AKAP6: variants seen among roughly 807,000 people sequenced by gnomAD.
AKAP6 encodes A-kinase anchoring protein 6, also known as A-kinase anchor protein 6.
AKAP6 carries 58 observed loss-of-function variants against 188.5 expected under a neutral mutation model. The ratio of observed to expected loss-of-function variants is 0.31; its 90% confidence interval spans 0.25 to 0.38. The LOEUF (loss-of-function observed/expected upper bound fraction) is 0.38. Among genes scored for constraint, AKAP6 ranks in the 10% least tolerant of loss-of-function variants. AKAP6 has a pLI of 1.00. For missense variants in AKAP6, 2,710 were observed against 2,740.0 expected (o/e 0.99, Z 0.24); for synonymous variants, 989 against 998.6 (o/e 0.99, Z 0.18).
rs1006635134 is a variant in AKAP6, at chr14:32,624,574, A to G, written c.2730+23782A>G. Among the ~76,000 whole-genome samples the G allele has an allele frequency of 2.6e-5, 4 of 152,294 alleles. No individual in the cohort carries two copies. The South Asian group carries it at 8.3e-4, about 32-fold the overall frequency. On this transcript the variant is annotated intron_variant, in intron 7 of 13. Transcript: ENST00000280979. ...TTCAGATTTCCTATGTAAAAGAGTC[A>G]GAGCATTTTATATATTACAGAGGAG...
intron 13 of AKAP6, 45 bp from the exon 14 acceptor site, chr14:32,829,803 A>G (rs1222055423): frequency 1.5e-6 from 1 of 678,870 alleles, no homozygotes; most frequent in African/African-American, 1.8e-5. Context: ...CTAATGAAAA[A>G]TACATTTCTG....
chr14:32,713,213 A>G (rs1373998790), intron 9 of AKAP6, among the ~76,000 whole-genome samples: 2 of 152,042 alleles, frequency 1.3e-5, no homozygotes, highest in Non-Finnish European at 2.9e-5. Context: ...GGCTTAAAAT[A>G]TATAGTAAAC....
At chr14:32,652,201 C>T (rs947313599) in intron 7 of AKAP6, among the ~76,000 whole-genome samples, 5 of 151,988 alleles carry the variant, frequency 3.3e-5, no homozygotes, top group Non-Finnish European at 4.4e-5. Context: ...CCATCTTTTC[C>T]GTCATTTTAT....
At chr14:32,562,712 T>C (rs557998949) in intron 4 of AKAP6, among the ~76,000 whole-genome samples, 2 of 152,200 alleles carry the variant, frequency 1.3e-5, no homozygotes, top group East Asian at 1.9e-4. Flanking sequence ...GAGCCGAGAT[T>C]GCACCACTGC....
At chr14:32,778,106 C>T (rs531066294) in intron 12 of AKAP6, among the ~76,000 whole-genome samples, 1 of 152,196 alleles carries the variant, frequency 6.6e-6, no homozygotes, top group African/African-American at 2.4e-5. Context: ...AAATATCATT[C>T]AAAAATGAAG....
At chr14:32,712,167 G>A (rs945352563) in intron 9 of AKAP6, among the ~76,000 whole-genome samples, 3 of 152,022 alleles carry the variant, frequency 2.0e-5, no homozygotes, top group Admixed American at 1.3e-4. Context: ...TTTTGGTTTC[G>A]CAGTGCATAT....
At chr14:32,710,720 A>G (rs8013524) in intron 9 of AKAP6, among the ~76,000 whole-genome samples, 39,188 of 152,004 alleles carry the variant, frequency 0.26, 5,263 homozygotes, top group African/African-American at 0.35. Flanking sequence ...CGTAGGAAGT[A>G]GGGATAATAA....
At chr14:32,346,666 G>C in intron 1 of AKAP6, among the ~76,000 whole-genome samples, 1 of 152,150 alleles carries the variant, frequency 6.6e-6, no homozygotes, top group South Asian at 2.1e-4. Context: ...CCGCCACCGC[G>C]CCTGGCTAAT....
At chr14:32,613,081 C>A (rs1005499895) in intron 7 of AKAP6, among the ~76,000 whole-genome samples, 2 of 152,192 alleles carry the variant, frequency 1.3e-5, no homozygotes, top group African/African-American at 4.8e-5. Flanking sequence ...GTAGTTTATA[C>A]ACTTCTAGAC....
intron 12 of AKAP6, among the ~76,000 whole-genome samples, chr14:32,817,965 A>G (rs1196784136): frequency 6.6e-6 from 1 of 152,150 alleles, no homozygotes; most frequent in Admixed American, 6.6e-5. Flanking sequence ...TCTTTCTTGG[A>G]AACTTTTCCC....
intron 2 of AKAP6, among the ~76,000 whole-genome samples, chr14:32,511,832 T>A (rs1881280254): frequency 6.6e-6 from 1 of 152,182 alleles, no homozygotes; most frequent in South Asian, 2.1e-4. Flanking sequence ...TTCCTGTGTT[T>A]TAAAATTTTA....
chr14:32,469,211 G>C (rs192681270), intron 2 of AKAP6, among the ~76,000 whole-genome samples: 1 of 152,306 alleles, frequency 6.6e-6, no homozygotes, highest in African/African-American at 2.4e-5. Flanking sequence ...CTTTGAAGAA[G>C]TCCTGTGAAA....
At chr14:32,706,221 C>T (rs2139733076) in intron 9 of AKAP6, among the ~76,000 whole-genome samples, 1 of 152,218 alleles carries the variant, frequency 6.6e-6, no homozygotes, top group South Asian at 2.1e-4. Flanking sequence ...TATTTCCTCC[C>T]TCTGTATGAA....
chr14:32,379,514 A>G (rs1366041210), intron 1 of AKAP6, among the ~76,000 whole-genome samples: 1 of 151,752 alleles, frequency 6.6e-6, no homozygotes, highest in Non-Finnish European at 1.5e-5. Context: ...CTCTCCCCAT[A>G]TCTCATTCTG....
In AKAP6 at chr14:32,834,759, T is replaced by G. The variant is rs2034857419; in HGVS notation, c.*4954T>G. The G allele has an allele frequency of 6.6e-6, 1 of 152,100 alleles. No homozygotes were observed. The highest frequency in any genetic ancestry group is 2.4e-5 in the African/African-American group (1 of 41,412). 9.4% of individuals were successfully genotyped at this position (152,100 alleles called of 1,614,324 possible). On this transcript the variant is annotated 3_prime_UTR_variant, in exon 14 of 14. Transcript: ENST00000280979. ...CTTTGCATTCACAGCCACTCTTTAA[T>G]GAAGATTGATTGAATAACTGACATT...
intron 1 of AKAP6, among the ~76,000 whole-genome samples, chr14:32,331,552 G>C (rs1886536204): frequency 6.6e-6 from 1 of 152,116 alleles, no homozygotes; most frequent in Non-Finnish European, 1.5e-5. Context: ...GGTAATGAGA[G>C]CTATCATCCT....
At chr14:32,615,211 T>G (rs1228934826) in intron 7 of AKAP6, among the ~76,000 whole-genome samples, 1 of 124,618 alleles carries the variant, frequency 8.0e-6, no homozygotes, top group Non-Finnish European at 1.7e-5. Context: ...AAAGGTTCCC[T>G]TTCAAGCTCT....
intron 2 of AKAP6, among the ~76,000 whole-genome samples, chr14:32,440,964 C>G (rs1283037653): frequency 6.6e-6 from 1 of 152,064 alleles, no homozygotes; most frequent in South Asian, 2.1e-4. Flanking sequence ...AATAAGGGCT[C>G]TACCCTCATG....
At chr14:32,606,717 G>A (rs1886141196) in intron 7 of AKAP6, among the ~76,000 whole-genome samples, 1 of 152,164 alleles carries the variant, frequency 6.6e-6, no homozygotes, top group Admixed American at 6.5e-5. Flanking sequence ...CTCTAGGATT[G>A]TGCTCATTTT....
Sources: gnomAD v4.1 joint callset for allele counts (sites outside exome capture counted in the v4.1 genomes callset) on GRCh38, gnomAD v4.1.1 for gene constraint, MANE v1.5 for transcripts, NCBI Gene and HGNC (gene_info 2026-07-23, HGNC 2026-07-21) for gene names.